The following CNNM3 variants were observed in gnomAD, a reference collection of about 807,000 sequenced individuals.
CNNM3 encodes the protein metal transporter CNNM3.
A neutral mutation model predicts 57.1 loss-of-function variants in CNNM3; 47 were observed. The observed-to-expected ratio is 0.82, with a 90% confidence interval of 0.65 to 1.05. The LOEUF is 1.05. CNNM3 is among the 50% of genes least tolerant of loss of function. The pLI is 0.00. For missense variants in CNNM3, 957 were observed against 973.7 expected (o/e 0.98, Z 0.23); for synonymous variants, 507 against 478.2 (o/e 1.06, Z -0.79).
chr2:96,832,919 C>CCGGGGCAGGGACAGTG lies in CNNM3; in HGVS notation c.*307_*322dup, dbSNP rs1321542800. On this transcript the variant is annotated 3_prime_UTR_variant, in exon 8 of 8. Coordinates refer to ENST00000305510, the MANE Select transcript of CNNM3 (RefSeq NM_017623.5). ...CAGGGCCCAGCCTTCCCCTTCTCCC[C>CCGGGGCAGGGACAGTG]CGGGGCAGGGACAGTGCGGCATATT... 2 of 1,436,324 alleles carry CCGGGGCAGGGACAGTG rather than the reference C, an allele frequency of 1.4e-6. No individual in the cohort carries two copies. The highest frequency in any genetic ancestry group is 4.2e-5 in the Admixed American group (2 of 47,826). 89.0% of individuals were successfully genotyped at this position (1,436,324 alleles called of 1,614,324 possible).
At chr2:96,829,466 A>C (rs372240690) in intron 7 of CNNM3, among the ~76,000 whole-genome samples, 1 of 151,318 alleles carries the variant, frequency 6.6e-6, no homozygotes, top group African/African-American at 2.4e-5. Context: ...ACGCCTGGCC[A>C]ATTTTTGTAT....
chr2:96,827,262 GT>G (rs1293629681), intron 3 of CNNM3, among the ~76,000 whole-genome samples: 2 of 149,594 alleles, frequency 1.3e-5, no homozygotes, highest in Non-Finnish European at 3.0e-5. Context: ...GCCCTGCCCA[GT>G]TCTTTTTTTT....
intron 1 of CNNM3, among the ~76,000 whole-genome samples, chr2:96,821,126 C>T (rs2079400007): frequency 6.6e-6 from 1 of 152,138 alleles, no homozygotes; most frequent in South Asian, 2.1e-4. Flanking sequence ...CTTGACTTCC[C>T]CGCTCCTGTG....
rs114131225 is a variant in CNNM3 at position 96,833,159 on chromosome 2, C to T, written c.*543C>T. On this transcript the variant is annotated 3_prime_UTR_variant, in exon 8 of 8. Transcript: ENST00000305510. ...CTTCCCTGATGGTGTCATGTTTCAG[C>T]GCATGCGCCCCAGCCTTTCCCATGT... 7,856 of 517,520 alleles carry T rather than the reference C, an allele frequency of 0.015. 472 individuals are homozygous for T. Among genetic ancestry groups the T allele is most frequent in the African/African-American group, 0.13 (6,785 of 50,692 alleles). 32.1% of individuals were successfully genotyped at this position (517,520 alleles called of 1,614,324 possible).
rs781153668 is a variant in CNNM3, at chr2:96,828,681, C to G, written c.1901C>G (p.Ser634Cys). 4 of 1,614,202 alleles carry G rather than the reference C, an allele frequency of 2.5e-6. No individual in the cohort carries two copies. The highest frequency in any genetic ancestry group is 3.4e-6 in the Non-Finnish European group (4 of 1,180,046). ...YCPDYTVRAL[S>C]DLQLIKVTRL... ...CCCGACTACACCGTGAGGGCGCTCT[C>G]TGATCTGCAGCTCATCAAGGTGACT... The change falls in exon 6 of 8, where the codon TCT (serine) becomes TGT (cysteine). Residue 634 changes from serine (S) to cysteine (C), a missense_variant. Ser to Cys is a moderately radical substitution (Grantham distance 112). Coordinates refer to ENST00000305510, the MANE Select transcript of CNNM3 (RefSeq NM_017623.5).
rs1410492663 is a variant in CNNM3 at position 96,816,730 on chromosome 2, G to T, written c.453G>T (p.Ala151=). Residue 151 remains alanine, a synonymous_variant, in exon 1 of 8, where the codon GCG becomes GCT. Transcript: ENST00000305510. The part of the protein sequence containing the change: ...AAGLLALAAL[A]RGLQLSALAL... ...GGCTGCTGGCGCTGGCAGCGCTGGC[G>T]CGAGGCCTGCAGCTGAGCGCGCTGG... 5 of 1,013,248 alleles carry T rather than the reference G, an allele frequency of 4.9e-6. No individual in the cohort carries two copies. The highest frequency in any genetic ancestry group is 1.7e-5 in the African/African-American group (1 of 57,276). 62.8% of individuals were successfully genotyped at this position (1,013,248 alleles called of 1,614,324 possible). A position where few individuals can be genotyped will look rare whatever the true frequency, so the allele number is the denominator to read the frequency against.
At position 96,825,123 on chromosome 2, in the gene CNNM3, G is replaced by T; in HGVS notation, c.1291G>T (p.Val431Phe). ...NEGEGDPFYE[V>F]LGLVTLEDVI... ...GGGTGAAGGCGACCCCTTCTACGAG[G>T]TCCTGGGCCTGGTCACCCTGGAGGA... The change falls in exon 2 of 8, where the codon GTC becomes TTC. Residue 431 changes from valine to phenylalanine, a missense_variant. By Grantham distance (50) the Val-to-Phe change is conservative (BLOSUM62 -1). Around this residue, in one of 2 missense-constraint regions of CNNM3, gnomAD observed 491 missense variants for 570.6 expected, o/e 0.86. Coordinates refer to ENST00000305510, the MANE Select transcript of CNNM3 (RefSeq NM_017623.5). The T allele has an allele frequency of 6.2e-7, 1 of 1,614,102 alleles. No homozygotes were observed. Among genetic ancestry groups the T allele is most frequent in the Non-Finnish European group, 8.5e-7 (1 of 1,180,022 alleles).
At chr2:96,836,146 C>T (rs1466349230), downstream of CNNM3, among the ~76,000 whole-genome samples, 12 of 143,760 alleles carry the variant, frequency 8.3e-5, no homozygotes, top group Admixed American at 8.5e-4. Context: ...TGCAGTGGCA[C>T]AATCTTGGCT....
intron 3 of CNNM3, 24 bp downstream of exon 3, chr2:96,827,006 C>G: frequency 1.2e-6 from 2 of 1,609,640 alleles, no homozygotes; most frequent in Non-Finnish European, 1.7e-6. Context: ...GTGGTCCATG[C>G]CCCCTGCTCT....
chr2:96,816,747 G>C lies in CNNM3; in HGVS notation c.470G>C (p.Ser157Thr), dbSNP rs2153352985. 1 of 1,015,812 alleles carries C rather than the reference G, an allele frequency of 9.8e-7. No homozygotes were observed. The highest frequency in any genetic ancestry group is 1.2e-6 in the Non-Finnish European group (1 of 852,010). 62.9% of individuals were successfully genotyped at this position (1,015,812 alleles called of 1,614,324 possible). ...LAALARGLQL[S>T]ALALAPAEVQ... The stretch of plus-strand genomic sequence containing the variant: ...GCGCTGGCGCGAGGCCTGCAGCTGA[G>C]CGCGCTGGCGCTGGCGCCTGCCGAG... The change falls in exon 1 of 8, where the codon AGC (serine) becomes ACC (threonine). Residue 157 changes from serine (S) to threonine (T), a missense_variant. By Grantham distance (58) the Ser-to-Thr change is moderately conservative. Coordinates refer to ENST00000305510, the MANE Select transcript of CNNM3 (RefSeq NM_017623.5).
intron 1 of CNNM3, among the ~76,000 whole-genome samples, chr2:96,820,762 C>T (rs552567904): frequency 1.3e-5 from 2 of 152,214 alleles, no homozygotes; most frequent in Non-Finnish European, 2.9e-5. Flanking sequence ...CAGCCCTCCA[C>T]AGAGTGTGGC....
chr2:96,827,296 C>G (rs1202952396), intron 3 of CNNM3, among the ~76,000 whole-genome samples: 3 of 149,220 alleles, frequency 2.0e-5, no homozygotes, highest in Non-Finnish European at 4.4e-5. Context: ...AAGATAGGGT[C>G]TCGCTCTGTC....
rs532363475 is a variant in CNNM3 at position 96,834,745 on chromosome 2, A to G, written c.*2129A>G. 5.8e-4 allele frequency among the ~76,000 whole-genome samples: 89 copies of G among 152,338 alleles called. 1 individual carries two copies. The South Asian group carries it at 0.017, about 28-fold the overall frequency. ...TTATCAAAACTAAAGGTGCAATCAT[A>G]CTAATAGCTAGAGTTTATTTGGATT... On this transcript the variant is annotated 3_prime_UTR_variant, in exon 8 of 8. Coordinates refer to ENST00000305510, the MANE Select transcript of CNNM3 (RefSeq NM_017623.5).
At position 96,826,787 on chromosome 2, in the gene CNNM3, C is replaced by T. The variant is rs768339932; in HGVS notation, c.1370-46C>T. 5.0e-6 allele frequency: 8 copies of T among 1,609,562 alleles called. No homozygotes were observed. The South Asian group carries it at 8.8e-5, about 18-fold the overall frequency. ...CAGCCCCTTAGTGTGGTCGTGTTGACTGACAGGTGGCTGATGCCTGAGCGC... is the reference window on the plus strand; with the variant it reads ...CAGCCCCTTAGTGTGGTCGTGTTGATTGACAGGTGGCTGATGCCTGAGCGC... On this transcript the variant is annotated intron_variant, in intron 2 of 7. Transcript: ENST00000305510.
At position 96,833,407 on chromosome 2, in the gene CNNM3, T is replaced by TC. The variant is rs146320671; in HGVS notation, c.*793dup. 21,577 of 213,676 alleles carry TC rather than the reference T, an allele frequency of 0.1. 1,527 individuals carry two copies. Among genetic ancestry groups the TC allele is most frequent in the African/African-American group, 0.22 (9,338 of 42,936 alleles). The allele number at this position is 213,676 out of a possible 1,614,324, so 13.2% of individuals were successfully genotyped here. A position where few individuals can be genotyped will look rare whatever the true frequency, so the allele number is the denominator to read the frequency against. ...TCGTCATGCTGCATCGAATCCTCTC[T>TC]CCGCCGTGTGGCCCCCAGGAGAGTA... On this transcript the variant is annotated 3_prime_UTR_variant, in exon 8 of 8. Transcript: ENST00000305510.
intron 1 of CNNM3, among the ~76,000 whole-genome samples, chr2:96,823,747 G>A (rs2079447586): frequency 1.3e-5 from 2 of 152,178 alleles, no homozygotes; most frequent in South Asian, 2.1e-4. Flanking sequence ...TCACAGGCAG[G>A]TCCAGGCCAG....
Position 96,829,221 on chromosome 2 carries a change from C to G in CNNM3, c.2059+87C>G, listed in dbSNP as rs1427048411. Reference sequence around the variant, plus strand: ...ACAGACTTGCACTCTCGCCGCCCCCCCACCCTCTGTCTTTTTTCTCTCTTT... The same window carrying G: ...ACAGACTTGCACTCTCGCCGCCCCCGCACCCTCTGTCTTTTTTCTCTCTTT... On this transcript the variant is annotated intron_variant, in intron 7 of 7. Coordinates refer to ENST00000305510, the MANE Select transcript of CNNM3 (RefSeq NM_017623.5). 8 of 1,448,684 alleles carry G rather than the reference C, an allele frequency of 5.5e-6. No individual in the cohort carries two copies. In the East Asian group the frequency reaches 7.4e-5, roughly 13 times the overall value. 89.7% of individuals were successfully genotyped at this position (1,448,684 alleles called of 1,614,324 possible). A position where few individuals can be genotyped will look rare whatever the true frequency, so the allele number is the denominator to read the frequency against.
At chr2:96,821,580 T>G (rs1574102365) in intron 1 of CNNM3, among the ~76,000 whole-genome samples, 1 of 152,082 alleles carries the variant, frequency 6.6e-6, no homozygotes, top group African/African-American at 2.4e-5. Context: ...CCAGGAAGAG[T>G]GAGTGCTTTG....
rs1305220940 is a variant in CNNM3, at chr2:96,832,814, A to C, written c.*198A>C. On this transcript the variant is annotated 3_prime_UTR_variant, in exon 8 of 8. Coordinates refer to ENST00000305510, the MANE Select transcript of CNNM3 (RefSeq NM_017623.5). ...CCTTCAGCCGGCCCTGCCCTCCTTT[A>C]GGAGACAGGAGTCACCAGGGCACAG... 6.6e-7 allele frequency: 1 copy of C among 1,509,302 alleles called. No individual in the cohort carries two copies. The highest frequency in any genetic ancestry group is 8.8e-7 in the Non-Finnish European group (1 of 1,130,954). The allele number at this position is 1,509,302 out of a possible 1,614,324, so 93.5% of individuals were successfully genotyped here. A position where few individuals can be genotyped will look rare whatever the true frequency, so the allele number is the denominator to read the frequency against.
Sources: gnomAD v4.1 joint callset for allele counts (sites outside exome capture counted in the v4.1 genomes callset) on GRCh38, gnomAD v4.1.1 for gene constraint, gnomAD v4.1.1 regional missense constraint, MANE v1.5 for transcripts, NCBI Gene and HGNC (gene_info 2026-07-23, HGNC 2026-07-21) for gene names.